The following SSBP4 variants were observed in gnomAD, a reference collection of about 807,000 sequenced individuals.
SSBP4 encodes the protein single-stranded DNA-binding protein 4.
SSBP4 carries 33 observed loss-of-function variants against 64.6 expected under a neutral mutation model. The ratio of observed to expected loss-of-function variants is 0.51; its 90% CI spans 0.39 to 0.68. SSBP4 has a LOEUF of 0.68. SSBP4 is among the 30% of genes least tolerant of loss of function. SSBP4 has a pLI of 0.00. For synonymous variants in SSBP4, 243 were observed against 224.0 expected, an observed-to-expected ratio of 1.08 and a Z score of -0.76; for missense variants, 583 against 566.8, an observed-to-expected ratio of 1.03 and a Z score of -0.29.
At position 18,431,699 on chromosome 19, in the gene SSBP4, C is replaced by CAGGATGCAGGATGCG; in HGVS notation, c.488_489insAGGATGCAGGATGCG (p.Pro163_Ser164insGlyCysArgMetArg). 6.4e-7 allele frequency: 1 copy of CAGGATGCAGGATGCG among 1,551,180 alleles called. No homozygotes were observed. Among genetic ancestry groups the CAGGATGCAGGATGCG allele is most frequent in the Non-Finnish European group, 8.7e-7 (1 of 1,147,762 alleles). On this transcript the variant is annotated inframe_insertion, in exon 7 of 18. Transcript: ENST00000270061. ...GGCCCCCGGCCCACCCTGCGGATGCCGAGTCAGGTGAGAAAGGGATGAGGG... is the reference window on the plus strand; with the variant it reads ...GGCCCCCGGCCCACCCTGCGGATGCCAGGATGCAGGATGCGGAGTCAGGTGAGAAAGGGATGAGGG...
upstream of SSBP4, among the ~76,000 whole-genome samples, chr19:18,418,345 C>G (rs1315317325): frequency 6.6e-6 from 1 of 152,220 alleles, no homozygotes; most frequent in African/African-American, 2.4e-5. This position sits in a 1 kb window ranked among gnomAD's most constrained non-coding sequence, Gnocchi z 6.7. Context: ...CATCCACACA[C>G]GACCCACTGG....
In SSBP4 at chr19:18,434,200, C is replaced by T. The variant is rs1973814211; in HGVS notation, c.1129-17C>T. The stretch of plus-strand genomic sequence containing the variant: ...CTGAACTCGGCCCCTGCGCGCTGCC[C>T]CCTCCTCTCTCCGCAGTACTCGCCA... On this transcript the variant is annotated splice_polypyrimidine_tract_variant and intron_variant, in intron 17 of 17. Transcript: ENST00000270061. 8 of 1,611,356 alleles carry T rather than the reference C, an allele frequency of 5.0e-6. No individual in the cohort carries two copies. Among genetic ancestry groups the T allele is most frequent in the Admixed American group, 1.7e-5 (1 of 59,912 alleles).
At chr19:18,432,529 CCA>C (rs1453389546) in intron 10 of SSBP4, 28 bp from the exon 11 acceptor site, 5 of 1,552,008 alleles carry the variant, frequency 3.2e-6, no homozygotes, top group Admixed American at 1.9e-5. Flanking sequence ...TGGACTAGCC[CCA>C]GAGTCTGTCA....
At chr19:18,403,523 A>G in the SSBP4 span, among the ~76,000 whole-genome samples, 1 of 151,820 alleles carries the variant, frequency 6.6e-6, no homozygotes, top group South Asian at 2.1e-4. Flanking sequence ...GGGGATCCAG[A>G]GGTCTGGGAG....
intron 1 of SSBP4, chr19:18,419,964 C>G (rs1456782829): frequency 5.5e-6 from 1 of 181,844 alleles, no homozygotes; most frequent in East Asian, 1.6e-4. Flanking sequence ...AGTGGACGGG[C>G]GAGACCGGAG....
upstream of SSBP4, among the ~76,000 whole-genome samples, chr19:18,418,377 CG>C (rs1047567712): frequency 1.3e-5 from 2 of 152,212 alleles, no homozygotes; most frequent in African/African-American, 4.8e-5. This position sits in a 1 kb window ranked among gnomAD's most constrained non-coding sequence, Gnocchi z 6.7. Flanking sequence ...CCCTGCCCTG[CG>C]GGGGTCCCTG....
Position 18,432,682 on chromosome 19 carries a change from A to C in SSBP4, c.751-18A>C, listed in dbSNP as rs771689819. ...GTGAGCCGCCTGGCTGACTGCTCACAGCTGCCCTTGTCCCCAGATCCCCTA... is the reference window on the plus strand; with the variant it reads ...GTGAGCCGCCTGGCTGACTGCTCACCGCTGCCCTTGTCCCCAGATCCCCTA... On this transcript the variant is annotated intron_variant, in intron 11 of 17. Coordinates refer to ENST00000270061, the MANE Select transcript of SSBP4 (RefSeq NM_032627.5). 26 of 1,566,592 alleles carry C rather than the reference A, an allele frequency of 1.7e-5. No individual in the cohort carries two copies. The South Asian group carries it at 2.6e-4, about 16-fold the overall frequency.
the SSBP4 span, among the ~76,000 whole-genome samples, chr19:18,409,994 G>C: frequency 6.6e-6 from 1 of 152,214 alleles, no homozygotes; most frequent in Non-Finnish European, 1.5e-5. Context: ...ACCACACCTG[G>C]CTAATTTTTG....
chr19:18,433,650 G>T (rs752096388), intron 16 of SSBP4, 37 bp downstream of exon 16: 59 of 1,437,290 alleles, frequency 4.1e-5, no homozygotes, highest in Middle Eastern at 5.0e-4. Flanking sequence ...GTGGGATCCG[G>T]GGGGGGTGGC....
At chr19:18,432,488 G>C (rs1233641010) in intron 10 of SSBP4, 71 bp from the exon 11 acceptor site, 15 of 1,509,926 alleles carry the variant, frequency 9.9e-6, no homozygotes, top group Admixed American at 4.1e-5. Flanking sequence ...AGCAGGGTGT[G>C]GGGGGTGTGT....
At chr19:18,405,172 T>C in the SSBP4 span, among the ~76,000 whole-genome samples, 1 of 151,976 alleles carries the variant, frequency 6.6e-6, no homozygotes, top group East Asian at 1.9e-4. Context: ...GAACCCTCAG[T>C]CTAGGCAGTG....
At chr19:18,403,076 A>C in the SSBP4 span, among the ~76,000 whole-genome samples, 6 of 152,330 alleles carry the variant, frequency 3.9e-5, no homozygotes, top group Admixed American at 6.5e-5. Context: ...TATTGGCAGC[A>C]ATGCTGCTCT....
Position 18,431,799 on chromosome 19 carries a change from G to A in SSBP4, c.502G>A (p.Ala168Thr), listed in dbSNP as rs570470374. 41 of 1,558,084 alleles carry A rather than the reference G, an allele frequency of 2.6e-5. No homozygotes were observed. The highest frequency in any genetic ancestry group is 1.7e-4 in the Middle Eastern group (1 of 5,994). The change falls in exon 8 of 18, where the codon GCA becomes ACA. Residue 168 changes from alanine (A) to threonine (T), a missense_variant. Physicochemically the swap from Ala to Thr is moderately conservative, Grantham distance 58. Coordinates refer to ENST00000270061, the MANE Select transcript of SSBP4 (RefSeq NM_032627.5). Reference protein sequence around the residue: ...PTLRMPSQPPAGLPGSQPLLP... With the variant: ...PTLRMPSQPPTGLPGSQPLLP... ...CGCCGCACCCCCTCCGCAGCCTCCC[G>A]CAGGCCTCCCTGGCTCCCAGCCCCT...
the SSBP4 span, among the ~76,000 whole-genome samples, chr19:18,409,095 T>G: frequency 1.3e-5 from 2 of 152,132 alleles, no homozygotes; most frequent in Non-Finnish European, 2.9e-5. Context: ...ATTACAGGCA[T>G]GAGCCAACAT....
At chr19:18,404,796 G>C in the SSBP4 span, among the ~76,000 whole-genome samples, 1 of 148,356 alleles carries the variant, frequency 6.7e-6, no homozygotes, top group Non-Finnish European at 1.5e-5. Context: ...GGAGGCTGAG[G>C]CAGGAGAATA....
the SSBP4 span, among the ~76,000 whole-genome samples, chr19:18,406,473 G>A: frequency 8.6e-5 from 13 of 151,768 alleles, no homozygotes; most frequent in African/African-American, 2.4e-4. Flanking sequence ...GAGCCACCAC[G>A]TGCTGCCTAA....
Position 18,432,027 on chromosome 19 carries a change from A to G in SSBP4, c.593A>G (p.Gln198Arg), listed in dbSNP as rs767381386. 1.3e-6 allele frequency: 2 copies of G among 1,578,086 alleles called. No homozygotes were observed. The highest frequency in any genetic ancestry group is 4.5e-5 in the East Asian group (2 of 44,370). Residue 198 changes from glutamine (Q) to arginine (R), a missense_variant, in exon 9 of 18, where the codon CAG becomes CGG. Physicochemically the swap from Gln to Arg is conservative, Grantham distance 43. Coordinates refer to ENST00000270061, the MANE Select transcript of SSBP4 (RefSeq NM_032627.5). ...QGHPSMGGPM[Q>R]RVTPPRGMAS... Reference sequence around the variant, plus strand: ...CATCCGAGCATGGGCGGCCCAATGCAGAGGGTGACGCCTCCTCGTGGCATG... The same window carrying G: ...CATCCGAGCATGGGCGGCCCAATGCGGAGGGTGACGCCTCCTCGTGGCATG...
intron 4 of SSBP4, among the ~76,000 whole-genome samples, chr19:18,429,918 A>G (rs1973206426): frequency 1.3e-5 from 2 of 152,074 alleles, no homozygotes; most frequent in South Asian, 4.2e-4. Flanking sequence ...GGATTTCTCC[A>G]GGAGCCCTCC....
At chr19:18,425,016 C>T (rs1359358488) in intron 1 of SSBP4, among the ~76,000 whole-genome samples, 1 of 148,194 alleles carries the variant, frequency 6.7e-6, no homozygotes, top group Non-Finnish European at 1.5e-5. Context: ...ACAGGACGGG[C>T]GGCCACACAG....
Sources: gnomAD v4.1 joint callset for allele counts (sites outside exome capture counted in the v4.1 genomes callset) on GRCh38, gnomAD v4.1.1 for gene constraint, Gnocchi (gnomAD v3.1) non-coding constraint, MANE v1.5 for transcripts, NCBI Gene and HGNC (gene_info 2026-07-23, HGNC 2026-07-21) for gene names.